Variants in TFEC observed in about 807,000 individuals in gnomAD.
The protein encoded by TFEC is class E basic helix-loop-helix protein 34.
In TFEC, 31 loss-of-function variants were observed where a neutral mutation model predicts 41.6. The ratio of observed to expected loss-of-function variants is 0.74; its 90% CI spans 0.56 to 1.01. The LOEUF (loss-of-function observed/expected upper bound fraction) is 1.01, where lower values mean the gene tolerates loss of function less well. TFEC is among the 50% of genes least tolerant of loss of function. The pLI, the probability that TFEC is intolerant of heterozygous loss-of-function variation, is 0.00. For synonymous variants in TFEC, 143 were observed against 140.6 expected (o/e 1.02, Z -0.12); for missense variants, 402 against 404.1 (o/e 0.99, Z 0.04).
chr7:116,063,111 T>C (rs978848484), intron 3 of TFEC, among the ~76,000 whole-genome samples: 1 of 152,206 alleles, frequency 6.6e-6, no homozygotes, highest in Non-Finnish European at 1.5e-5. Flanking sequence ...AATGTACTAT[T>C]GACACATGCT....
chr7:116,118,843 T>G (rs1584539729), intron 1 of TFEC, among the ~76,000 whole-genome samples: 1 of 152,006 alleles, frequency 6.6e-6, no homozygotes, highest in Non-Finnish European at 1.5e-5. Context: ...TGGAGGTTTA[T>G]AATGACACAA....
chr7:116,040,255 T>A (rs896173268), intron 3 of TFEC, among the ~76,000 whole-genome samples: 16 of 152,184 alleles, frequency 1.1e-4, no homozygotes, highest in Non-Finnish European at 4.4e-5. Context: ...TTGGAAGGAA[T>A]ATTCTTTTTG....
chr7:116,076,051 T>G (rs1340922305), intron 3 of TFEC, among the ~76,000 whole-genome samples: 2 of 152,146 alleles, frequency 1.3e-5, no homozygotes, highest in Non-Finnish European at 2.9e-5. Context: ...CTGGAACAGG[T>G]GCTGTTATCC....
chr7:116,051,461 T>TACACC (rs1023457000), intron 3 of TFEC, among the ~76,000 whole-genome samples: 1 of 152,190 alleles, frequency 6.6e-6, no homozygotes, highest in Non-Finnish European at 1.5e-5. Flanking sequence ...AGCACTACAC[T>TACACC]ACACCATTTC....
intron 3 of TFEC, among the ~76,000 whole-genome samples, chr7:116,092,720 T>G (rs981194928): frequency 2.6e-5 from 4 of 152,164 alleles, no homozygotes; most frequent in Non-Finnish European, 4.4e-5. Flanking sequence ...CTCCACCAAC[T>G]ACACAAGGCA....
At chr7:116,110,729 A>G in exon 3 of TFEC, 3 of 1,523,552 alleles carry the variant, frequency 2.0e-6, no homozygotes, top group Non-Finnish European at 1.8e-6. Context: ...ATGGTAATTG[A>G]CTTGAATAAA....
intron 3 of TFEC, among the ~76,000 whole-genome samples, chr7:116,048,300 C>T (rs1359847547): frequency 6.6e-6 from 1 of 152,202 alleles, no homozygotes; most frequent in African/African-American, 2.4e-5. Flanking sequence ...CCTGAAGGAG[C>T]TGAAAACCAT....
intron 3 of TFEC, among the ~76,000 whole-genome samples, chr7:116,041,715 G>A (rs142240820): frequency 6.6e-6 from 1 of 152,260 alleles, no homozygotes; most frequent in East Asian, 1.9e-4. Flanking sequence ...AAAGCAGGCA[G>A]AGATTGAAAA....
intron 3 of TFEC, among the ~76,000 whole-genome samples, chr7:115,965,403 T>A (rs1474385386): frequency 6.6e-6 from 1 of 151,734 alleles, no homozygotes; most frequent in East Asian, 1.9e-4. Flanking sequence ...TTACCATATA[T>A]CCTTATCCTC....
At chr7:115,994,790 G>T (rs1794287399) in intron 1 of TFEC, among the ~76,000 whole-genome samples, 1 of 152,160 alleles carries the variant, frequency 6.6e-6, no homozygotes, top group Admixed American at 6.5e-5. Flanking sequence ...ACAGGGTGGT[G>T]ATTCCTCAAG....
chr7:116,074,185 T>A (rs565931151), intron 3 of TFEC, among the ~76,000 whole-genome samples: 1 of 104,028 alleles, frequency 9.6e-6, no homozygotes, highest in Non-Finnish European at 1.8e-5. Context: ...ATATTATACA[T>A]TATATATTTT....
Position 116,127,691 on chromosome 7 carries a change from C to CAAA in TFEC, c.-68-15656_-68-15654dup, listed in dbSNP as rs72053152. Among the ~76,000 whole-genome samples the CAAA allele has an allele frequency of 2.0e-3, 211 of 105,064 alleles. 1 individual carries two copies. The highest frequency in any genetic ancestry group is 3.5e-3 in the Non-Finnish European group (171 of 48,452). 68.9% of individuals were successfully genotyped at this position (105,064 alleles called of 152,430 possible). ...TGGGCAACAGAGTGAGAGTCAGTGT[C>CAAA]AAAAAAAAAAAAAAAAAAGATAAGA... On this transcript the variant is annotated intron_variant, in intron 1 of 8. Coordinates refer to the TFEC transcript ENST00000484212.
At chr7:116,010,845 A>G (rs1178338690) in intron 1 of TFEC, among the ~76,000 whole-genome samples, 1 of 152,188 alleles carries the variant, frequency 6.6e-6, no homozygotes, top group Non-Finnish European at 1.5e-5. Flanking sequence ...AGTTAACCTT[A>G]ATTAAATAAT....
rs961198680 is a variant in TFEC, at chr7:116,067,495, T to C, written c.198+43213A>G. On this transcript the variant is annotated intron_variant, in intron 3 of 8. Coordinates refer to the TFEC transcript ENST00000484212. ...ATCAATCAACCGAGTATTTTGGATA[T>C]CCATGACTATAAGCATTTAGCTTGA... 3.3e-5 allele frequency among the ~76,000 whole-genome samples: 5 copies of C among 152,134 alleles called. No individual in the cohort carries two copies. The South Asian group carries it at 1.0e-3, about 32-fold the overall frequency.
chr7:116,024,317 A>T (rs1025317186), intron 1 of TFEC, among the ~76,000 whole-genome samples: 1 of 152,118 alleles, frequency 6.6e-6, no homozygotes, highest in African/African-American at 2.4e-5. Flanking sequence ...TTCAAAATGA[A>T]TGAAAGAGAA....
chr7:115,959,024 A>G (rs886729190), intron 3 of TFEC, among the ~76,000 whole-genome samples: 3 of 151,898 alleles, frequency 2.0e-5, no homozygotes, highest in Non-Finnish European at 4.4e-5. Flanking sequence ...TGTCAAAGGT[A>G]TAAGTAACTT....
chr7:115,994,709 G>A (rs1322542469), intron 1 of TFEC, among the ~76,000 whole-genome samples: 3 of 152,156 alleles, frequency 2.0e-5, no homozygotes, highest in Non-Finnish European at 4.4e-5. Context: ...AGGTGCTGGA[G>A]AGGATGTGGA....
chr7:115,953,090 G>C (rs1239664109), intron 5 of TFEC, among the ~76,000 whole-genome samples: 1 of 152,036 alleles, frequency 6.6e-6, no homozygotes, highest in Non-Finnish European at 1.5e-5. Flanking sequence ...GCTGTATATG[G>C]AGCTTGAATG....
At chr7:116,049,663 C>A (rs1796260941) in intron 3 of TFEC, among the ~76,000 whole-genome samples, 1 of 152,236 alleles carries the variant, frequency 6.6e-6, no homozygotes, top group Non-Finnish European at 1.5e-5. Context: ...CACCACAAAT[C>A]AACAGAATAT....
Sources: gnomAD v4.1 joint callset for allele counts (sites outside exome capture counted in the v4.1 genomes callset) on GRCh38, gnomAD v4.1.1 for gene constraint, MANE v1.5 for transcripts, NCBI Gene and HGNC (gene_info 2026-07-23, HGNC 2026-07-21) for gene names.